Variants in GPX8 observed in about 807,000 individuals in gnomAD.
The protein encoded by GPX8 is protein peroxidase GPX8.
A neutral mutation model predicts 17.8 loss-of-function variants in GPX8; 12 were observed. That is an observed-to-expected ratio of 0.67 (90% CI 0.43 to 1.09). The LOEUF is 1.09. Among genes scored for constraint, GPX8 ranks in the 50% least tolerant of loss-of-function variants. The probability of loss-of-function intolerance (pLI) is 0.00; values close to 1 mark genes in which losing one functional copy is unlikely to be tolerated. For synonymous variants in GPX8, 86 were observed against 88.1 expected (o/e 0.98, Z 0.14); for missense variants, 209 against 235.6 (o/e 0.89, Z 0.74).
intron 1 of GPX8, 54 bp downstream of exon 1, chr5:55,160,450 T>A: frequency 7.0e-7 from 1 of 1,427,700 alleles, no homozygotes; most frequent in Non-Finnish European, 9.7e-7. Flanking sequence ...TCTCTGTTTA[T>A]TCCTCTTAAT....
At chr5:55,163,377 A>G (rs1213361015) in intron 2 of GPX8, among the ~76,000 whole-genome samples, 3 of 152,092 alleles carry the variant, frequency 2.0e-5, no homozygotes, top group East Asian at 3.9e-4. Context: ...TTGCTTTTCA[A>G]AATAAGGTGA....
intron 2 of GPX8, among the ~76,000 whole-genome samples, chr5:55,162,951 C>T (rs562548314): frequency 6.6e-6 from 1 of 152,286 alleles, no homozygotes; most frequent in South Asian, 2.1e-4. Context: ...CTCAACCACT[C>T]ATTAGCCACG....
chr5:55,162,903 A>G (rs910288328), intron 2 of GPX8, among the ~76,000 whole-genome samples: 4 of 152,230 alleles, frequency 2.6e-5, no homozygotes, highest in African/African-American at 9.6e-5. Flanking sequence ...GGTTAAGAGC[A>G]TGAGCTCTGG....
At position 55,164,054 on chromosome 5, in the gene GPX8, G is replaced by T. The variant is rs367911795; in HGVS notation, c.467-1G>T. On this transcript the variant is annotated splice_acceptor_variant, in intron 2 of 2. Coordinates refer to ENST00000503787, the MANE Select transcript of GPX8 (RefSeq NM_001008397.4). LOFTEE classifies it high-confidence loss of function. ...ATGAAAATATGTTCTGGATATTTTA[G>T]ATTCTTCAAAGAAGGAACCAAGGTG... The T allele has an allele frequency of 1.3e-6, 2 of 1,563,132 alleles. No individual in the cohort carries two copies. The highest frequency in any genetic ancestry group is 1.7e-6 in the Non-Finnish European group (2 of 1,151,798).
chr5:55,166,275 G>T lies in GPX8; in HGVS notation c.*2057G>T. 1 of 152,348 alleles carries T rather than the reference G, an allele frequency of 6.6e-6. No homozygotes were observed. The allele number at this position is 152,348 out of a possible 1,614,324, so 9.4% of individuals were successfully genotyped here. On this transcript the variant is annotated 3_prime_UTR_variant, in exon 3 of 3. Transcript: ENST00000503787. ...CAACCAGGACTGTCCCAGTCAACAT[G>T]ATACAGATGAACATCCTGCCTTAAG... is the stretch of plus-strand genomic sequence containing the variant.
At position 55,164,168 on chromosome 5, in the gene GPX8, A is replaced by G; in HGVS notation, c.580A>G (p.Ile194Val). The change falls in exon 3 of 3, where the codon ATA becomes GTA. Residue 194 changes from isoleucine to valine, a missense_variant. Physicochemically the swap from Ile to Val is conservative, Grantham distance 29. Transcript: ENST00000503787. ...EEPIEVIRPD[I>V]AALVRQVIIK... ...GCCCATTGAAGTCATCAGGCCTGAC[A>G]TAGCAGCTCTGGTTAGACAAGTGAT... The G allele has an allele frequency of 6.3e-7, 1 of 1,596,416 alleles. No homozygotes were observed. Among genetic ancestry groups the G allele is most frequent in the South Asian group, 1.1e-5 (1 of 88,294 alleles).
Position 55,165,773 on chromosome 5 carries a change from G to A in GPX8, c.*1555G>A, listed in dbSNP as rs1161743293. 6.6e-6 allele frequency: 1 copy of A among 152,176 alleles called. No homozygotes were observed. Among genetic ancestry groups the A allele is most frequent in the Admixed American group, 6.5e-5 (1 of 15,268 alleles). The allele number at this position is 152,176 out of a possible 1,614,324, so 9.4% of individuals were successfully genotyped here. On this transcript the variant is annotated 3_prime_UTR_variant, in exon 3 of 3. Coordinates refer to ENST00000503787, the MANE Select transcript of GPX8 (RefSeq NM_001008397.4). The stretch of plus-strand genomic sequence containing the variant: ...TGCTCCTACCTCTCGCCAGCTGCGT[G>A]ACTTTAGGCAAGTCACTTAAGTACC...
rs975373304 is a variant in GPX8, at chr5:55,165,511, C to T, written c.*1293C>T. 2 of 152,204 alleles carry T rather than the reference C, an allele frequency of 1.3e-5. No individual in the cohort carries two copies. The highest frequency in any genetic ancestry group is 4.8e-5 in the African/African-American group (2 of 41,472). The allele number at this position is 152,204 out of a possible 1,614,324, so 9.4% of individuals were successfully genotyped here. ...CTGATGGATGAAAGTGAAGATGTTT[C>T]GTATGGCAAATTCAGTAATGCTACC... is the stretch of plus-strand genomic sequence containing the variant. On this transcript the variant is annotated 3_prime_UTR_variant, in exon 3 of 3. Transcript: ENST00000503787.
intron 2 of GPX8, among the ~76,000 whole-genome samples, chr5:55,161,920 T>C (rs1744086120): frequency 6.6e-6 from 1 of 152,088 alleles, no homozygotes; most frequent in Non-Finnish European, 1.5e-5. Flanking sequence ...TGCTCTTTTG[T>C]TTTTGCTATG....
intron 2 of GPX8, among the ~76,000 whole-genome samples, chr5:55,162,327 A>G (rs1462648060): frequency 1.3e-5 from 2 of 152,178 alleles, no homozygotes; most frequent in Non-Finnish European, 2.9e-5. Flanking sequence ...ACCCAGAGGC[A>G]GAGGTTGCAG....
In GPX8 at chr5:55,165,031, G is replaced by A. The variant is rs1182382955; in HGVS notation, c.*813G>A. The A allele has an allele frequency of 6.6e-6, 1 of 152,076 alleles. No individual in the cohort carries two copies. The highest frequency in any genetic ancestry group is 2.4e-5 in the African/African-American group (1 of 41,372). 9.4% of individuals were successfully genotyped at this position (152,076 alleles called of 1,614,324 possible). On this transcript the variant is annotated 3_prime_UTR_variant, in exon 3 of 3. Coordinates refer to ENST00000503787, the MANE Select transcript of GPX8 (RefSeq NM_001008397.4). Reference sequence around the variant, plus strand: ...TGAAAATCCCAAGTGTAGAAAAAAGGACATGAGTATAAGATCATTTAACTT... The same window carrying A: ...TGAAAATCCCAAGTGTAGAAAAAAGAACATGAGTATAAGATCATTTAACTT...
rs374320134 is a variant in GPX8, at chr5:55,161,272, C to T, written c.466+17C>T. On this transcript the variant is annotated intron_variant, in intron 2 of 2. Coordinates refer to ENST00000503787, the MANE Select transcript of GPX8 (RefSeq NM_001008397.4). ...TTCTTGTTGGTAAATATCTGCCTTG[C>T]ATATGCTGTTTTAAATTGCTTTTCA... 1.1e-4 allele frequency: 183 copies of T among 1,604,898 alleles called. No homozygotes were observed. The African/African-American group carries it at 2.0e-3, about 18-fold the overall frequency.
chr5:55,166,980 A>G lies in GPX8; in HGVS notation c.*2762A>G, dbSNP rs770702643. ...AGGAGGCTGAGGTTGCAATGAGCCA[A>G]GATTGCACCACTGCACTCCAACCTG... On this transcript the variant is annotated 3_prime_UTR_variant, in exon 3 of 3. Transcript: ENST00000503787. The G allele has an allele frequency of 2.0e-5, 3 of 152,232 alleles. No homozygotes were observed. The highest frequency in any genetic ancestry group is 4.8e-5 in the African/African-American group (2 of 41,452). The allele number at this position is 152,232 out of a possible 1,614,324, so 9.4% of individuals were successfully genotyped here.
intron 2 of GPX8, among the ~76,000 whole-genome samples, chr5:55,162,655 G>A (rs1007317995): frequency 6.6e-6 from 1 of 152,234 alleles, no homozygotes; most frequent in Non-Finnish European, 1.5e-5. Flanking sequence ...GGCAACCACA[G>A]TGAGGTCTTT....
In GPX8 at chr5:55,164,131, G is replaced by A; in HGVS notation, c.543G>A (p.Trp181Ter). 6.2e-7 allele frequency: 1 copy of A among 1,607,276 alleles called. No individual in the cohort carries two copies. Among genetic ancestry groups the A allele is most frequent in the Non-Finnish European group, 8.5e-7 (1 of 1,175,198 alleles). ...CTGAGGGTCAAGTTGTGAAGTTCTG[G>A]AAGCCAGAGGAGCCCATTGAAGTCA... is the stretch of plus-strand genomic sequence containing the variant. ...VNPEGQVVKF[W>*]KPEEPIEVIR... Residue 181 changes from tryptophan (W) to a stop codon, truncating the protein, a stop_gained, in exon 3 of 3, where the codon TGG becomes TGA. Transcript: ENST00000503787. LOFTEE classifies it high-confidence loss of function.
rs1350972557 is a variant in GPX8, at chr5:55,165,442, A to G, written c.*1224A>G. On this transcript the variant is annotated 3_prime_UTR_variant, in exon 3 of 3. Transcript: ENST00000503787. ...CGTATAAATTTGTCTAAGAAGAAAA[A>G]GACCCAATTTAAGTAGTCTGTGACT... 2.0e-5 allele frequency: 3 copies of G among 152,244 alleles called. No homozygotes were observed. Among genetic ancestry groups the G allele is most frequent in the Non-Finnish European group, 4.4e-5 (3 of 68,032 alleles). 9.4% of individuals were successfully genotyped at this position (152,244 alleles called of 1,614,324 possible).
In GPX8 at chr5:55,166,652, T is replaced by G. The variant is rs35686230; in HGVS notation, c.*2434T>G. ...TGAATCTTTCCTATATTGGACAATC[T>G]TCCTTCAGTCTTGTTTCTGCATCAA... On this transcript the variant is annotated 3_prime_UTR_variant, in exon 3 of 3. Transcript: ENST00000503787. The G allele has an allele frequency of 6.6e-6, 1 of 152,172 alleles. No individual in the cohort carries two copies. The highest frequency in any genetic ancestry group is 1.5e-5 in the Non-Finnish European group (1 of 68,048). 9.4% of individuals were successfully genotyped at this position (152,172 alleles called of 1,614,324 possible). A position where few individuals can be genotyped will look rare whatever the true frequency, so the allele number is the denominator to read the frequency against.
rs541801512 is a variant in GPX8, at chr5:55,161,274, T to C, written c.466+19T>C. ...CTTGTTGGTAAATATCTGCCTTGCA[T>C]ATGCTGTTTTAAATTGCTTTTCATT... is the stretch of plus-strand genomic sequence containing the variant. On this transcript the variant is annotated intron_variant, in intron 2 of 2. Coordinates refer to ENST00000503787, the MANE Select transcript of GPX8 (RefSeq NM_001008397.4). The C allele has an allele frequency of 6.2e-7, 1 of 1,604,410 alleles. No homozygotes were observed. Among genetic ancestry groups the C allele is most frequent in the East Asian group, 2.2e-5 (1 of 44,830 alleles).
At chr5:55,162,122 G>T (rs564746983) in intron 2 of GPX8, among the ~76,000 whole-genome samples, 1 of 148,940 alleles carries the variant, frequency 6.7e-6, no homozygotes, top group East Asian at 2.0e-4. Context: ...AAGGCCGGGC[G>T]CGGTGGCTCA....
Sources: gnomAD v4.1 joint callset for allele counts (sites outside exome capture counted in the v4.1 genomes callset) on GRCh38, gnomAD v4.1.1 for gene constraint, MANE v1.5 for transcripts, NCBI Gene and HGNC (gene_info 2026-07-23, HGNC 2026-07-21) for gene names.